The following PCDHGB1 variants were observed in gnomAD, a reference collection of about 807,000 sequenced individuals.
The protein encoded by PCDHGB1 is protocadherin gamma subfamily B, 1.
A neutral mutation model predicts 56.6 loss-of-function variants in PCDHGB1; 34 were observed. The observed-to-expected ratio is 0.60, with a 90% confidence interval of 0.46 to 0.80. The LOEUF (loss-of-function observed/expected upper bound fraction) is 0.80. PCDHGB1 is among the 30% of genes least tolerant of loss of function. The probability of loss-of-function intolerance (pLI) is 0.00; values close to 1 mark genes in which losing one functional copy is unlikely to be tolerated. For synonymous variants in PCDHGB1, 561 were observed against 505.9 expected (o/e 1.11, Z -1.46); for missense variants, 1,278 against 1,204.6 (o/e 1.06, Z -0.90).
At chr5:141,427,880 C>G in intron 1 of PCDHGB1, 5 of 1,563,170 alleles carry the variant, frequency 3.2e-6, no homozygotes, top group Non-Finnish European at 3.5e-6. Context: ...CGATGCAGGC[C>G]CACGACCAGG....
rs574059424 is a variant in PCDHGB1 at position 141,426,522 on chromosome 5, G to A, written c.2410-68285G>A. On this transcript the variant is annotated intron_variant, in intron 1 of 3. Transcript: ENST00000523390. ...AGAAACAATACTTTACCGTGAACAC[G>A]GAGAATGGGAACATACTTGTGAGTG... is the stretch of plus-strand genomic sequence containing the variant. The A allele has an allele frequency of 4.4e-5, 15 of 341,518 alleles. No individual in the cohort carries two copies. In the East Asian group the frequency reaches 6.0e-4, roughly 14 times the overall value. 21.2% of individuals were successfully genotyped at this position (341,518 alleles called of 1,614,324 possible).
At chr5:141,416,711 C>G (rs962144454) in intron 1 of PCDHGB1, 1 of 152,152 alleles carries the variant, frequency 6.6e-6, no homozygotes, top group South Asian at 2.1e-4. Context: ...ATTGGAGGTA[C>G]TGATGAGTTC....
rs145288114 is a variant in PCDHGB1 at position 141,477,334 on chromosome 5, C to T, written c.2410-17473C>T. On this transcript the variant is annotated intron_variant, in intron 1 of 3. Coordinates refer to ENST00000523390, the MANE Select transcript of PCDHGB1 (RefSeq NM_018922.3). This position sits in a 1 kb window ranked among gnomAD's most constrained non-coding sequence, Gnocchi z 4.9. ...GCCTTACTTCTTCCCTCAAGAATTA[C>T]TTCACTTTGAAAACCAGTGCAGACC... is the stretch of plus-strand genomic sequence containing the variant. 1.3e-4 allele frequency: 215 copies of T among 1,614,074 alleles called. No homozygotes were observed. Among genetic ancestry groups the T allele is most frequent in the Non-Finnish European group, 1.8e-4 (210 of 1,180,044 alleles).
In PCDHGB1 at chr5:141,360,884, C is replaced by T; in HGVS notation, c.2409+8215C>T. 1 of 1,614,020 alleles carries T rather than the reference C, an allele frequency of 6.2e-7. No individual in the cohort carries two copies. Among genetic ancestry groups the T allele is most frequent in the Non-Finnish European group, 8.5e-7 (1 of 1,179,908 alleles). On this transcript the variant is annotated intron_variant, in intron 1 of 3. Coordinates refer to ENST00000523390, the MANE Select transcript of PCDHGB1 (RefSeq NM_018922.3). ...TTCAGCCAGGACGTGTACAGGGTCA[C>T]CCTGAGGGAGGACGTGCCGCCGGGC...
chr5:141,511,537 A>G lies in PCDHGB1; in HGVS notation c.*364A>G. 2 of 319,256 alleles carry G rather than the reference A, an allele frequency of 6.3e-6. No individual in the cohort carries two copies. Among genetic ancestry groups the G allele is most frequent in the South Asian group, 3.3e-5 (1 of 29,854 alleles). 19.8% of individuals were successfully genotyped at this position (319,256 alleles called of 1,614,324 possible). A position where few individuals can be genotyped will look rare whatever the true frequency, so the allele number is the denominator to read the frequency against. On this transcript the variant is annotated 3_prime_UTR_variant, in exon 4 of 4. Coordinates refer to ENST00000523390, the MANE Select transcript of PCDHGB1 (RefSeq NM_018922.3). ...TCCATCCCATGCCTCCCTCCTCCCC[A>G]CCCCACTCCAACAGTTCCTCTTTCC... is the stretch of plus-strand genomic sequence containing the variant.
intron 1 of PCDHGB1, among the ~76,000 whole-genome samples, chr5:141,482,633 G>T (rs1218163238): frequency 2.0e-5 from 3 of 151,784 alleles, no homozygotes; most frequent in Non-Finnish European, 2.9e-5. Flanking sequence ...AGGAAGAAAT[G>T]ATAGAGGTGG....
chr5:141,390,366 A>G, intron 1 of PCDHGB1: 1 of 1,524,656 alleles, frequency 6.6e-7, no homozygotes, highest in Non-Finnish European at 8.9e-7. Flanking sequence ...TTGCAGGAAA[A>G]TATATAATTT....
rs755093164 is a variant in PCDHGB1, at chr5:141,485,516, G to C, written c.2410-9291G>C. On this transcript the variant is annotated intron_variant, in intron 1 of 3. Coordinates refer to ENST00000523390, the MANE Select transcript of PCDHGB1 (RefSeq NM_018922.3). The surrounding 1 kb of genome is among the most constrained non-coding windows in gnomAD (Gnocchi z 5.7). Reference sequence around the variant, plus strand: ...GGAGTTTGTCACCGAAGGTCCTTTGGAAATGTACCGAGCAGAGGTAGAGAT... The same window carrying C: ...GGAGTTTGTCACCGAAGGTCCTTTGCAAATGTACCGAGCAGAGGTAGAGAT... 1 of 1,614,172 alleles carries C rather than the reference G, an allele frequency of 6.2e-7. No individual in the cohort carries two copies.
In PCDHGB1 at chr5:141,382,960, G is replaced by C. The variant is rs62621829; in HGVS notation, c.2409+30291G>C. The C allele has an allele frequency of 3.2e-4, 511 of 1,607,476 alleles. 2 individuals are homozygous for C. The highest frequency in any genetic ancestry group is 5.5e-5 in the Non-Finnish European group (65 of 1,175,660). On this transcript the variant is annotated intron_variant, in intron 1 of 3. Coordinates refer to ENST00000523390, the MANE Select transcript of PCDHGB1 (RefSeq NM_018922.3). ...ATTCTTCCTGCTCTCCATCCTCCTGGGGACCCCCTGGGAAGCCTGGGCAGG... is the reference window on the plus strand; with the variant it reads ...ATTCTTCCTGCTCTCCATCCTCCTGCGGACCCCCTGGGAAGCCTGGGCAGG...
intron 1 of PCDHGB1, chr5:141,422,092 G>T: frequency 6.2e-7 from 1 of 1,611,520 alleles, no homozygotes; most frequent in Non-Finnish European, 8.5e-7. Context: ...GGAAAGCAAG[G>T]CTTCTGAAAT....
chr5:141,423,141 G>T (rs2096714253), intron 1 of PCDHGB1: 6 of 1,613,580 alleles, frequency 3.7e-6, no homozygotes, highest in East Asian at 2.2e-5. Context: ...ACAGAGACGC[G>T]CTCAAGCAGA....
At chr5:141,409,632 C>G (rs1279542488) in intron 1 of PCDHGB1, 1 of 1,613,848 alleles carries the variant, frequency 6.2e-7, no homozygotes, top group East Asian at 2.2e-5. Context: ...GTGAGCGCCT[C>G]TGACCCGGAT....
At chr5:141,478,505 T>C (rs1298083274) in intron 1 of PCDHGB1, 3 of 1,612,032 alleles carry the variant, frequency 1.9e-6, no homozygotes, top group Non-Finnish European at 2.5e-6. Context: ...TCCGGTGTTC[T>C]ATAGGCAGGT....
chr5:141,415,368 T>C (rs762653261), intron 1 of PCDHGB1: 1 of 1,614,244 alleles, frequency 6.2e-7, no homozygotes, highest in Non-Finnish European at 8.5e-7. Context: ...TGCTGCAGGC[T>C]TCAGGAGGCG....
At position 141,372,147 on chromosome 5, in the gene PCDHGB1, G is replaced by A. The variant is rs374383984; in HGVS notation, c.2409+19478G>A. ...TATGGTGCCGCGCTCTGCAGAGCCT[G>A]GCTACCTGGTGACCAAGGTGGTGGC... On this transcript the variant is annotated intron_variant, in intron 1 of 3. Coordinates refer to ENST00000523390, the MANE Select transcript of PCDHGB1 (RefSeq NM_018922.3). 52 of 1,613,776 alleles carry A rather than the reference G, an allele frequency of 3.2e-5. No homozygotes were observed. In the Middle Eastern group the frequency reaches 5.0e-4, roughly 15 times the overall value.
chr5:141,355,848 T>C (rs1760013605), intron 1 of PCDHGB1: 1 of 1,612,486 alleles, frequency 6.2e-7, no homozygotes, highest in Non-Finnish European at 8.5e-7. Flanking sequence ...CGGCCTTCGA[T>C]GGAGGTGACC....
chr5:141,350,969 C>T lies in PCDHGB1; in HGVS notation c.709C>T (p.Pro237Ser), dbSNP rs745995257. 4.3e-6 allele frequency: 7 copies of T among 1,614,098 alleles called. No individual in the cohort carries two copies. The Admixed American group carries it at 1.2e-4, about 27-fold the overall frequency. Residue 237 changes from proline to serine, a missense_variant, in exon 1 of 4, where the codon CCC becomes TCC. Coordinates refer to ENST00000523390, the MANE Select transcript of PCDHGB1 (RefSeq NM_018922.3). ...AGTTACGGATGCCAATGATAATGCT[C>T]CCGTGTTTAGCCAGGAGGTATACAG... The part of the protein sequence containing the change: ...IRVTDANDNA[P>S]VFSQEVYRVS...
At position 141,421,727 on chromosome 5, in the gene PCDHGB1, C is replaced by T. The variant is rs779718690; in HGVS notation, c.2409+69058C>T. The T allele has an allele frequency of 4.3e-6, 7 of 1,613,798 alleles. No individual in the cohort carries two copies. In the African/African-American group the frequency reaches 9.3e-5, roughly 22 times the overall value. ...AGGGATCCAGATGTGGGCGTGAACT[C>T]CCTCCAGAGCTACCAGCTCAGCCCT... On this transcript the variant is annotated intron_variant, in intron 1 of 3. Coordinates refer to ENST00000523390, the MANE Select transcript of PCDHGB1 (RefSeq NM_018922.3).
intron 1 of PCDHGB1, among the ~76,000 whole-genome samples, chr5:141,464,964 A>G (rs1433148254): frequency 6.6e-6 from 1 of 152,030 alleles, no homozygotes; most frequent in Non-Finnish European, 1.5e-5. Flanking sequence ...CTTGTCTTGA[A>G]CTACTGGCTT....
Sources: allele counts gnomAD v4.1 joint callset (sites outside exome capture counted in the v4.1 genomes callset), GRCh38; gene constraint gnomAD v4.1.1; non-coding constraint Gnocchi (gnomAD v3.1); transcripts MANE v1.5; gene names NCBI Gene and HGNC (gene_info 2026-07-23, HGNC 2026-07-21).